Variants in TRAPPC9 observed in about 807,000 individuals in gnomAD.
The protein encoded by TRAPPC9 is trafficking protein particle complex subunit 9, also known as IKK2 binding protein.
A neutral mutation model predicts 124.0 loss-of-function variants in TRAPPC9; 83 were observed. That is an observed-to-expected ratio of 0.67 (90% CI 0.56 to 0.80). The LOEUF (loss-of-function observed/expected upper bound fraction) is 0.80, where lower values mean the gene tolerates loss of function less well. TRAPPC9 is among the 30% of genes least tolerant of loss of function. The pLI is 0.00. For missense variants in TRAPPC9, 1,302 were observed against 1,508.3 expected (o/e 0.86, Z 2.27); for synonymous variants, 638 against 617.5 (o/e 1.03, Z -0.49).
chr8:140,185,443 A>ACTG (rs2062330256), intron 17 of TRAPPC9, among the ~76,000 whole-genome samples: 1 of 152,162 alleles, frequency 6.6e-6, no homozygotes, highest in African/African-American at 2.4e-5. Flanking sequence ...CTCTCCCTTA[A>ACTG]CTGCCACGCC....
At chr8:140,235,902 T>C (rs1249572431) in intron 16 of TRAPPC9, among the ~76,000 whole-genome samples, 1 of 151,740 alleles carries the variant, frequency 6.6e-6, no homozygotes. Context: ...CATCCAGCCA[T>C]AAAAAAGAAC....
At chr8:140,133,026 A>G (rs1044391230) in intron 17 of TRAPPC9, among the ~76,000 whole-genome samples, 3 of 152,240 alleles carry the variant, frequency 2.0e-5, no homozygotes, top group East Asian at 1.9e-4. Flanking sequence ...CTCAAAAAAT[A>G]TAAGAGGAAG....
At chr8:140,201,445 T>G (rs184569750) in intron 17 of TRAPPC9, among the ~76,000 whole-genome samples, 9 of 152,360 alleles carry the variant, frequency 5.9e-5, no homozygotes, top group Admixed American at 5.9e-4. Context: ...CCAAGGATAC[T>G]GCCTCCACTG....
intron 21 of TRAPPC9, among the ~76,000 whole-genome samples, chr8:139,858,204 T>C (rs917045684): frequency 2.6e-5 from 4 of 152,246 alleles, no homozygotes; most frequent in African/African-American, 4.8e-5. Flanking sequence ...ACTAACTCTT[T>C]AAACAACAAC....
At chr8:140,340,330 C>G (rs1012271795) in intron 9 of TRAPPC9, among the ~76,000 whole-genome samples, 9 of 152,176 alleles carry the variant, frequency 5.9e-5, no homozygotes, top group African/African-American at 2.2e-4. Flanking sequence ...CTAAAACTTT[C>G]AATAATACCC....
chr8:140,022,245 A>T (rs1332939518), intron 18 of TRAPPC9, among the ~76,000 whole-genome samples: 1 of 152,242 alleles, frequency 6.6e-6, no homozygotes, highest in Non-Finnish European at 1.5e-5. Context: ...ATTGGGAGAC[A>T]TCTCAGAAGT....
At chr8:139,806,513 G>C (rs1163206993) in intron 21 of TRAPPC9, among the ~76,000 whole-genome samples, 1 of 152,244 alleles carries the variant, frequency 6.6e-6, no homozygotes, top group African/African-American at 2.4e-5. Flanking sequence ...ACAGGATTAA[G>C]AGTGGAGCAG....
At chr8:139,821,063 C>A (rs1461529474) in intron 21 of TRAPPC9, among the ~76,000 whole-genome samples, 1 of 152,182 alleles carries the variant, frequency 6.6e-6, no homozygotes, top group Non-Finnish European at 1.5e-5. Context: ...ATCTGCAGCA[C>A]CAGGAAATGT....
At chr8:140,084,759 G>A (rs1047409897) in intron 17 of TRAPPC9, among the ~76,000 whole-genome samples, 3 of 152,198 alleles carry the variant, frequency 2.0e-5, no homozygotes, top group Non-Finnish European at 2.9e-5. Flanking sequence ...CCCTGGCTCT[G>A]GGGCCTGAAA....
chr8:139,755,582 A>T (rs13249575), intron 21 of TRAPPC9, among the ~76,000 whole-genome samples: 2 of 57,726 alleles, frequency 3.5e-5, no homozygotes, highest in Non-Finnish European at 6.4e-5. Context: ...GATGGGGTAT[A>T]AGGACAGCAG....
intron 21 of TRAPPC9, among the ~76,000 whole-genome samples, chr8:139,771,715 C>A (rs976441240): frequency 2.6e-5 from 4 of 152,232 alleles, no homozygotes; most frequent in African/African-American, 9.6e-5. Flanking sequence ...GAAGTAGAAT[C>A]TGCGCGTCAG....
intron 17 of TRAPPC9, among the ~76,000 whole-genome samples, chr8:140,047,550 G>A (rs1185263478): frequency 1.3e-5 from 2 of 152,222 alleles, no homozygotes; most frequent in Non-Finnish European, 2.9e-5. Flanking sequence ...CATCGCGCAT[G>A]AAGAAGGGGA....
At chr8:139,761,760 G>A (rs918260158) in intron 21 of TRAPPC9, among the ~76,000 whole-genome samples, 8 of 151,638 alleles carry the variant, frequency 5.3e-5, no homozygotes, top group African/African-American at 9.7e-5. Context: ...GGCCCGCCCC[G>A]TTCTGCTGTC....
intron 17 of TRAPPC9, 57 bp from the exon 18 acceptor site, chr8:140,024,136 A>G: frequency 1.9e-6 from 3 of 1,599,044 alleles, no homozygotes; most frequent in African/African-American, 2.7e-5. Flanking sequence ...CTCTAGTTTG[A>G]TCCACCAGGA....
At chr8:140,085,171 C>T (rs529372420) in intron 17 of TRAPPC9, among the ~76,000 whole-genome samples, 231 of 152,198 alleles carry the variant, frequency 1.5e-3, no homozygotes, top group African/African-American at 5.3e-3. Flanking sequence ...GAGAGTTCCC[C>T]GACGCTCCAC....
intron 11 of TRAPPC9, 92 bp from the exon 12 acceptor site, chr8:140,291,170 A>G: frequency 1.7e-6 from 2 of 1,154,762 alleles, no homozygotes; most frequent in Non-Finnish European, 2.6e-6. Flanking sequence ...GGCAATTTAC[A>G]TTCTCAGTGA....
chr8:139,795,952 G>C (rs1428216823), intron 21 of TRAPPC9, among the ~76,000 whole-genome samples: 1 of 152,102 alleles, frequency 6.6e-6, no homozygotes, highest in Non-Finnish European at 1.5e-5. Flanking sequence ...TCAAATTGCT[G>C]TCTTTAAGAA....
chr8:139,981,895 C>T (rs1836923732), intron 19 of TRAPPC9, among the ~76,000 whole-genome samples: 1 of 152,226 alleles, frequency 6.6e-6, no homozygotes, highest in African/African-American at 2.4e-5. Context: ...GGTCCATCTC[C>T]CCAGCAGCCG....
chr8:140,191,709 A>G (rs2062495777), intron 17 of TRAPPC9, among the ~76,000 whole-genome samples: 1 of 152,202 alleles, frequency 6.6e-6, no homozygotes, highest in Non-Finnish European at 1.5e-5. Context: ...CAAACTACCC[A>G]GTCTCAGGTA....
Sources: gnomAD v4.1 joint callset for allele counts (sites outside exome capture counted in the v4.1 genomes callset) on GRCh38, gnomAD v4.1.1 for gene constraint, MANE v1.5 for transcripts, NCBI Gene and HGNC (gene_info 2026-07-23, HGNC 2026-07-21) for gene names.